The following LRP1B variants were observed in gnomAD, a reference collection of about 807,000 sequenced individuals.
The protein encoded by LRP1B is low-density lipoprotein receptor-related protein 1B.
Under a neutral mutation model 556.6 loss-of-function variants are expected in LRP1B, and 217 were observed. The ratio of observed to expected loss-of-function variants is 0.39; its 90% confidence interval spans 0.35 to 0.44. LRP1B has a LOEUF of 0.44. LRP1B is among the 20% of genes least tolerant of loss of function. The pLI, the probability that LRP1B is intolerant of heterozygous loss-of-function variation, is 1.00. For synonymous variants in LRP1B, 2,047 were observed against 1,865.8 expected (o/e 1.10, Z -2.50); for missense variants, 5,053 against 5,620.8 (o/e 0.90, Z 3.23).
chr2:141,105,462 T>C (rs1700580918), intron 7 of LRP1B, among the ~76,000 whole-genome samples: 1 of 152,192 alleles, frequency 6.6e-6, no homozygotes, highest in Non-Finnish European at 1.5e-5. Flanking sequence ...CTAGGCCCTA[T>C]AGTTCAAAAT....
rs116437019 is a variant in LRP1B, at chr2:140,708,805, T to C, written c.6024-6252A>G. ...TCTAGCTGCCCAGAGCCTATACTTC[T>C]AGAGCTCATGAGCTGACTTAGAATT... On this transcript the variant is annotated intron_variant, in intron 37 of 90. Coordinates refer to ENST00000389484, the MANE Select transcript of LRP1B (RefSeq NM_018557.3). Among the ~76,000 whole-genome samples, 967 of 152,134 alleles carry C rather than the reference T, an allele frequency of 6.4e-3. 4 individuals carry two copies. The highest frequency in any genetic ancestry group is 0.022 in the African/African-American group (926 of 41,534).
At chr2:141,554,901 G>T (rs899352996) in intron 2 of LRP1B, among the ~76,000 whole-genome samples, 2 of 151,896 alleles carry the variant, frequency 1.3e-5, no homozygotes, top group African/African-American at 4.8e-5. Context: ...AATCTTTAGA[G>T]GTAAGACCAA....
intron 20 of LRP1B, among the ~76,000 whole-genome samples, chr2:140,926,451 C>CT (rs1694888300): frequency 6.6e-6 from 1 of 152,028 alleles, no homozygotes; most frequent in African/African-American, 2.4e-5. Context: ...ATACAGTTCT[C>CT]CCACCTCAGC....
chr2:140,380,555 T>A (rs1459103969), intron 67 of LRP1B, among the ~76,000 whole-genome samples: 1 of 152,088 alleles, frequency 6.6e-6, no homozygotes, highest in African/African-American at 2.4e-5. Flanking sequence ...AGCCCAAAAT[T>A]TTTTCATGAA....
intron 85 of LRP1B, among the ~76,000 whole-genome samples, chr2:140,273,954 A>G (rs1682568202): frequency 6.6e-6 from 1 of 152,024 alleles, no homozygotes; most frequent in Admixed American, 6.6e-5. Flanking sequence ...TAATGTTCAA[A>G]GTCAGATTAA....
intron 2 of LRP1B, among the ~76,000 whole-genome samples, chr2:141,703,181 G>A (rs999671363): frequency 2.0e-5 from 3 of 151,828 alleles, no homozygotes; most frequent in Admixed American, 2.0e-4. Flanking sequence ...TTAGAAAAGT[G>A]TATGAATAAG....
intron 3 of LRP1B, among the ~76,000 whole-genome samples, chr2:141,415,026 T>G (rs1039321220): frequency 3.4e-4 from 43 of 125,588 alleles, no homozygotes; most frequent in Admixed American, 3.1e-3. Flanking sequence ...TTGTTTTGTT[T>G]TGTTTTGAGA....
intron 41 of LRP1B, among the ~76,000 whole-genome samples, chr2:140,677,659 G>A (rs1431140568): frequency 6.6e-6 from 1 of 152,080 alleles, no homozygotes; most frequent in East Asian, 1.9e-4. Context: ...GAACACCTGA[G>A]GTCAGTGGTT....
At chr2:141,626,009 T>TTTCATACAGAAAATCTGTA (rs1292650820) in intron 2 of LRP1B, among the ~76,000 whole-genome samples, 1 of 152,152 alleles carries the variant, frequency 6.6e-6, no homozygotes, top group African/African-American at 2.4e-5. Flanking sequence ...TATGAGAAGA[T>TTTCATACAGAAAATCTGTA]TTCATACAGA....
chr2:141,465,394 T>C (rs1465461426), intron 3 of LRP1B, among the ~76,000 whole-genome samples: 1 of 152,118 alleles, frequency 6.6e-6, no homozygotes, highest in Non-Finnish European at 1.5e-5. Context: ...CAGAAAGAGA[T>C]GGCTACATCA....
intron 40 of LRP1B, 28 bp downstream of exon 40, chr2:140,701,693 T>C (rs1359432709): frequency 1.3e-6 from 2 of 1,591,630 alleles, no homozygotes; most frequent in Non-Finnish European, 1.7e-6. Context: ...AAAATATACA[T>C]ATTATGTATT....
chr2:140,332,010 T>C (rs1284695473), intron 79 of LRP1B, among the ~76,000 whole-genome samples: 1 of 152,038 alleles, frequency 6.6e-6, no homozygotes, highest in Non-Finnish European at 1.5e-5. Flanking sequence ...CTTTTGATTT[T>C]CTATTGATAA....
At chr2:142,116,602 T>G (rs1222387011) in intron 1 of LRP1B, among the ~76,000 whole-genome samples, 1 of 152,178 alleles carries the variant, frequency 6.6e-6, no homozygotes, top group African/African-American at 2.4e-5. Context: ...AATAATGTTG[T>G]CTTGCCAATG....
At chr2:141,252,770 T>C (rs1030029870) in intron 4 of LRP1B, among the ~76,000 whole-genome samples, 1 of 152,166 alleles carries the variant, frequency 6.6e-6, no homozygotes, top group Non-Finnish European at 1.5e-5. Flanking sequence ...CTTGCAATGC[T>C]GCCTTCTTTT....
intron 49 of LRP1B, among the ~76,000 whole-genome samples, chr2:140,522,476 A>G (rs944996317): frequency 6.6e-6 from 1 of 151,942 alleles, no homozygotes; most frequent in Non-Finnish European, 1.5e-5. Flanking sequence ...AAAAAGATAG[A>G]AAGAGCTCAA....
chr2:140,356,502 C>A (rs2105130721), intron 74 of LRP1B, 26 bp from the exon 75 acceptor site: 1 of 1,525,948 alleles, frequency 6.6e-7, no homozygotes, highest in Non-Finnish European at 9.0e-7. Flanking sequence ...ATGATCAAAA[C>A]TAATATAATT....
chr2:141,410,063 G>A (rs13024235), intron 3 of LRP1B, among the ~76,000 whole-genome samples: 14,001 of 151,952 alleles, frequency 0.092, 1,204 homozygotes, highest in African/African-American at 0.23. Context: ...GAGAAAAAAC[G>A]TATAAGCAGG....
chr2:140,912,071 C>A (rs919214373), intron 21 of LRP1B, among the ~76,000 whole-genome samples: 7 of 151,738 alleles, frequency 4.6e-5, no homozygotes, highest in Non-Finnish European at 1.0e-4. Flanking sequence ...AATAGCCCCC[C>A]TCTTCCTATT....
At chr2:140,852,951 G>T (rs571157035) in intron 27 of LRP1B, among the ~76,000 whole-genome samples, 9 of 151,982 alleles carry the variant, frequency 5.9e-5, no homozygotes, top group African/African-American at 2.2e-4. Flanking sequence ...AGGCAAAAAA[G>T]CGTTATTCTT....
Sources: allele counts gnomAD v4.1 joint callset (sites outside exome capture counted in the v4.1 genomes callset), GRCh38; gene constraint gnomAD v4.1.1; transcripts MANE v1.5; gene names NCBI Gene and HGNC (gene_info 2026-07-23, HGNC 2026-07-21).